Variants in CDC14A observed in about 807,000 individuals in gnomAD.
The protein encoded by CDC14A is cell division cycle 14A.
Under a neutral mutation model 74.4 loss-of-function variants are expected in CDC14A, and 53 were observed. The ratio of observed to expected loss-of-function variants is 0.71; its 90% CI spans 0.57 to 0.89. CDC14A has a LOEUF of 0.89. Among genes scored for constraint, CDC14A ranks in the 40% least tolerant of loss-of-function variants. CDC14A has a pLI of 0.00. For missense variants in CDC14A, 646 were observed against 713.7 expected, an observed-to-expected ratio of 0.91 and a Z score of 1.08; for synonymous variants, 247 against 258.4, an observed-to-expected ratio of 0.96 and a Z score of 0.43.
In CDC14A at chr1:100,519,541, G is replaced by C. The variant is rs1650522520; in HGVS notation, c.*1261G>C. ...CTAGTTAAATGGATTCATATGAAGTGCTTTACTCCCAACCATTGAGTTATT... is the reference window on the plus strand; with the variant it reads ...CTAGTTAAATGGATTCATATGAAGTCCTTTACTCCCAACCATTGAGTTATT... On this transcript the variant is annotated 3_prime_UTR_variant, in exon 16 of 16. Coordinates refer to ENST00000336454, the MANE Select transcript of CDC14A (RefSeq NM_003672.4). The C allele has an allele frequency of 1.3e-5, 2 of 152,344 alleles. No homozygotes were observed. The highest frequency in any genetic ancestry group is 4.1e-4 in the South Asian group (2 of 4,828). 9.4% of individuals were successfully genotyped at this position (152,344 alleles called of 1,614,324 possible).
At chr1:100,488,627 A>C (rs540373126) in intron 11 of CDC14A, among the ~76,000 whole-genome samples, 3 of 152,352 alleles carry the variant, frequency 2.0e-5, no homozygotes, top group African/African-American at 7.2e-5. Context: ...CAATCAGTAG[A>C]TGCTCTTGAC....
In CDC14A at chr1:100,426,798, G is replaced by C. The variant is rs1663016419; in HGVS notation, c.389+2497G>C. On this transcript the variant is annotated intron_variant, in intron 5 of 15. Coordinates refer to ENST00000336454, the MANE Select transcript of CDC14A (RefSeq NM_003672.4). Reference sequence around the variant, plus strand: ...AGTATGCCTTTGAATGTAACTCTAAGTTCTATCTTTTTGATATCTTAGGAT... The same window carrying C: ...AGTATGCCTTTGAATGTAACTCTAACTTCTATCTTTTTGATATCTTAGGAT... Among the ~76,000 whole-genome samples, 4 of 152,002 alleles carry C rather than the reference G, an allele frequency of 2.6e-5. No homozygotes were observed. The South Asian group carries it at 8.3e-4, about 31-fold the overall frequency.
chr1:100,369,608 A>G lies in CDC14A; in HGVS notation c.141-7938A>G, dbSNP rs527894666. On this transcript the variant is annotated intron_variant, in intron 2 of 15. Transcript: ENST00000336454. Reference sequence around the variant, plus strand: ...TCTCTTGTTCAACTGTTAAATTCCTATGGATTCTAGATATTAGACCTTTGT... The same window carrying G: ...TCTCTTGTTCAACTGTTAAATTCCTGTGGATTCTAGATATTAGACCTTTGT... Among the ~76,000 whole-genome samples, 137 of 152,192 alleles carry G rather than the reference A, an allele frequency of 9.0e-4. 1 individual carries two copies. Among genetic ancestry groups the G allele is most frequent in the South Asian group, 8.7e-3 (42 of 4,822 alleles).
intron 8 of CDC14A, among the ~76,000 whole-genome samples, chr1:100,459,126 C>CACACACACAG (rs1279905046): frequency 2.1e-5 from 3 of 144,576 alleles, no homozygotes; most frequent in Admixed American, 1.4e-4. Flanking sequence ...CACACACACA[C>CACACACACAG]AGAGAGAGAG....
chr1:100,485,629 T>C (rs1669954307), intron 11 of CDC14A, among the ~76,000 whole-genome samples: 1 of 151,674 alleles, frequency 6.6e-6, no homozygotes. Flanking sequence ...TTACATTCTA[T>C]TAGACAGTGA....
At chr1:100,353,030 C>T in intron 1 of CDC14A, 27 bp downstream of exon 1, 3 of 1,612,602 alleles carry the variant, frequency 1.9e-6, no homozygotes, top group Non-Finnish European at 2.5e-6. Flanking sequence ...CCGCATCTTC[C>T]AACGCTTTCT....
intron 5 of CDC14A, among the ~76,000 whole-genome samples, chr1:100,429,745 TTATA>T (rs35770223): frequency 6.9e-6 from 1 of 144,326 alleles, no homozygotes; most frequent in Non-Finnish European, 1.5e-5. Flanking sequence ...TCAAGTATAT[TTATA>T]TATATATTAT....
chr1:100,420,011 T>TAC (rs1342050501), intron 4 of CDC14A, among the ~76,000 whole-genome samples: 19 of 112,014 alleles, frequency 1.7e-4, no homozygotes, highest in African/African-American at 6.2e-4. Flanking sequence ...TATATATATA[T>TAC]ACATATATAT....
intron 10 of CDC14A, among the ~76,000 whole-genome samples, chr1:100,476,282 G>A (rs768493009): frequency 2.0e-5 from 3 of 152,022 alleles, no homozygotes; most frequent in African/African-American, 4.8e-5. Flanking sequence ...GTGAAACCCC[G>A]TCTCTACTAA....
chr1:100,424,827 C>G (rs1195696388), intron 5 of CDC14A, among the ~76,000 whole-genome samples: 1 of 152,134 alleles, frequency 6.6e-6, no homozygotes, highest in East Asian at 1.9e-4. Context: ...TAAGTATCAT[C>G]AAAAGAAGAT....
intron 4 of CDC14A, among the ~76,000 whole-genome samples, chr1:100,419,223 T>TAAA (rs1661946230): frequency 6.6e-6 from 1 of 152,152 alleles, no homozygotes; most frequent in Non-Finnish European, 1.5e-5. Context: ...TGACTGTGAC[T>TAAA]GTGAAGAGAT....
In CDC14A at chr1:100,508,595, C is replaced by G. The variant is rs1361307035; in HGVS notation, c.1755+9333C>G. Among the ~76,000 whole-genome samples the G allele has an allele frequency of 3.9e-5, 6 of 152,134 alleles. No homozygotes were observed. Among genetic ancestry groups the G allele is most frequent in the Admixed American group, 3.9e-4 (6 of 15,272 alleles). On this transcript the variant is annotated intron_variant, in intron 15 of 15. Coordinates refer to ENST00000336454, the MANE Select transcript of CDC14A (RefSeq NM_003672.4). The surrounding 1 kb of genome is among the most constrained non-coding windows in gnomAD (Gnocchi z 4.4). Reference sequence around the variant, plus strand: ...TCAGTCTAGAAACAGACCTTAATGACCCAGGCTTCCATCTCTTGGTGAGCT... The same window carrying G: ...TCAGTCTAGAAACAGACCTTAATGAGCCAGGCTTCCATCTCTTGGTGAGCT...
intron 15 of CDC14A, among the ~76,000 whole-genome samples, chr1:100,501,884 A>G (rs1315066016): frequency 6.6e-6 from 1 of 152,206 alleles, no homozygotes. Context: ...AAAAATTTAG[A>G]AAGTAAATAC....
intron 7 of CDC14A, among the ~76,000 whole-genome samples, chr1:100,444,055 T>C (rs1389747949): frequency 6.6e-6 from 1 of 152,176 alleles, no homozygotes; most frequent in Non-Finnish European, 1.5e-5. Context: ...AAATGCAACA[T>C]ATCTGAAAAG....
intron 10 of CDC14A, among the ~76,000 whole-genome samples, chr1:100,469,798 A>T (rs1011276765): frequency 3.3e-5 from 5 of 152,192 alleles, no homozygotes; most frequent in Non-Finnish European, 5.9e-5. Flanking sequence ...GTCAGATAAC[A>T]CAGCCCTCAT....
chr1:100,474,184 C>T (rs1668666675), intron 10 of CDC14A, among the ~76,000 whole-genome samples: 1 of 152,046 alleles, frequency 6.6e-6, no homozygotes, highest in African/African-American at 2.4e-5. Flanking sequence ...GGCTTATGTC[C>T]CTGGAATAAA....
chr1:100,518,192 T>C, intron 15 of CDC14A, 59 bp from the exon 16 acceptor site: 1 of 1,344,438 alleles, frequency 7.4e-7, no homozygotes, highest in Non-Finnish European at 1.1e-6. Flanking sequence ...GCTGCATGAC[T>C]TGCTAGAAGT....
At chr1:100,352,375 A>C, upstream of CDC14A, 1 of 762,606 alleles carries the variant, frequency 1.3e-6, no homozygotes, top group Non-Finnish European at 1.6e-6. Context: ...CTGTCCCTTT[A>C]AGGGATGGCC....
intron 15 of CDC14A, chr1:100,504,696 G>T: frequency 2.8e-6 from 2 of 722,176 alleles, no homozygotes; most frequent in South Asian, 3.4e-5. Context: ...CTTAGTGCTA[G>T]AACATAAATA....
Sources: gnomAD v4.1 joint callset for allele counts (sites outside exome capture counted in the v4.1 genomes callset) on GRCh38, gnomAD v4.1.1 for gene constraint, Gnocchi (gnomAD v3.1) non-coding constraint, MANE v1.5 for transcripts, NCBI Gene and HGNC (gene_info 2026-07-23, HGNC 2026-07-21) for gene names.